The following CARM1 variants were observed in gnomAD, a reference collection of about 807,000 sequenced individuals.
CARM1 encodes histone-arginine methyltransferase CARM1.
In CARM1, 14 loss-of-function variants were observed where a neutral mutation model predicts 72.7. The ratio of observed to expected loss-of-function variants is 0.19; its 90% confidence interval spans 0.13 to 0.30. The LOEUF (loss-of-function observed/expected upper bound fraction) is 0.30. Ranked by LOEUF, CARM1 falls within the 10% of genes least tolerant of loss-of-function variation. The probability of loss-of-function intolerance (pLI) is 1.00; values close to 1 mark genes in which losing one functional copy is unlikely to be tolerated. For synonymous variants in CARM1, 333 were observed against 345.5 expected, an observed-to-expected ratio of 0.96 and a Z score of 0.40; for missense variants, 432 against 833.7, an observed-to-expected ratio of 0.52 and a Z score of 5.93.
Position 10,912,099 on chromosome 19 carries a change from G to C in CARM1, c.559-85G>C. 1 of 950,624 alleles carries C rather than the reference G, an allele frequency of 1.1e-6. No homozygotes were observed. Among genetic ancestry groups the C allele is most frequent in the African/African-American group, 1.6e-5 (1 of 62,378 alleles). The allele number at this position is 950,624 out of a possible 1,614,324, so 58.9% of individuals were successfully genotyped here. A position where few individuals can be genotyped will look rare whatever the true frequency, so the allele number is the denominator to read the frequency against. ...TTGAGAGTGAAGACAGACGCCTCATGATGTGCACATCCCTTATGATCACTG... is the reference window on the plus strand; with the variant it reads ...TTGAGAGTGAAGACAGACGCCTCATCATGTGCACATCCCTTATGATCACTG... On this transcript the variant is annotated intron_variant, in intron 4 of 15. Transcript: ENST00000327064. This position sits in a 1 kb window ranked among gnomAD's most constrained non-coding sequence, Gnocchi z 4.5.
At chr19:10,895,407 G>A (rs1052158470) in intron 1 of CARM1, among the ~76,000 whole-genome samples, 7 of 152,228 alleles carry the variant, frequency 4.6e-5, no homozygotes, top group African/African-American at 1.4e-4. Context: ...GCCTGGCCTA[G>A]GGATGGGAGG....
At chr19:10,891,731 A>G (rs979441392) in intron 1 of CARM1, among the ~76,000 whole-genome samples, 1 of 152,156 alleles carries the variant, frequency 6.6e-6, no homozygotes, top group Non-Finnish European at 1.5e-5. Flanking sequence ...GCTATCTTTC[A>G]TGTACAAGGG....
intron 8 of CARM1, chr19:10,919,115 A>T (rs905688744): frequency 6.5e-6 from 1 of 154,666 alleles, no homozygotes; most frequent in African/African-American, 2.4e-5. Flanking sequence ...CAGGCATACA[A>T]TTCCACACCC....
At chr19:10,890,788 TATA>T (rs2073980879) in intron 1 of CARM1, among the ~76,000 whole-genome samples, 12 of 99,718 alleles carry the variant, frequency 1.2e-4, no homozygotes, top group African/African-American at 5.2e-4. Context: ...TATATATATA[TATA>T]TATATTTTTT....
intron 1 of CARM1, among the ~76,000 whole-genome samples, chr19:10,899,479 A>T (rs951418141): frequency 3.9e-5 from 6 of 152,090 alleles, no homozygotes; most frequent in Non-Finnish European, 7.4e-5. Flanking sequence ...GGAGCACTTT[A>T]TCTTGGGCCT....
intron 1 of CARM1, among the ~76,000 whole-genome samples, chr19:10,884,468 T>C (rs1350492919): frequency 6.6e-6 from 1 of 151,994 alleles, no homozygotes; most frequent in Non-Finnish European, 1.5e-5. Context: ...ATTACAGGCC[T>C]GAGTCACTGT....
intron 15 of CARM1, 78 bp from the exon 16 acceptor site, chr19:10,921,537 C>G: frequency 6.4e-7 from 1 of 1,569,602 alleles, no homozygotes; most frequent in East Asian, 2.3e-5. Flanking sequence ...TCTTGCCTGC[C>G]CTTTCTCTCT....
chr19:10,916,469 A>G lies in CARM1; in HGVS notation c.910A>G (p.Met304Val). 1 of 1,613,460 alleles carries G rather than the reference A, an allele frequency of 6.2e-7. No individual in the cohort carries two copies. ...LAPFTDEQLY[M>V]EQFTKANFWY... ...ACCCTTCACGGATGAACAGCTCTACATGGAGCAGTTCACCAAGGCCAACTT... is the reference window on the plus strand; with the variant it reads ...ACCCTTCACGGATGAACAGCTCTACGTGGAGCAGTTCACCAAGGCCAACTT... Residue 304 changes from methionine (M) to valine (V), a missense_variant, in exon 7 of 16, where the codon ATG becomes GTG. Transcript: ENST00000327064. This position sits in a 1 kb window ranked among gnomAD's most constrained non-coding sequence, Gnocchi z 4.4.
At position 10,922,462 on chromosome 19, in the gene CARM1, T is replaced by TTCC. The variant is rs2074271663; in HGVS notation, c.*705_*706insTCC. 2 of 127,004 alleles carry TTCC rather than the reference T, an allele frequency of 1.6e-5. No individual in the cohort carries two copies. The highest frequency in any genetic ancestry group is 3.3e-5 in the Non-Finnish European group (2 of 60,150). The allele number at this position is 127,004 out of a possible 1,614,324, so 7.9% of individuals were successfully genotyped here. A position where few individuals can be genotyped will look rare whatever the true frequency, so the allele number is the denominator to read the frequency against. ...TGTCCTGTCCCCGAGCCCCTGCAGG[T>TTCC]CCCCCCCCGCCCCCCCACTCAAGAG... On this transcript the variant is annotated 3_prime_UTR_variant, in exon 16 of 16. Transcript: ENST00000327064.
chr19:10,895,455 C>A (rs577666458), intron 1 of CARM1, among the ~76,000 whole-genome samples: 1 of 152,218 alleles, frequency 6.6e-6, no homozygotes, highest in Non-Finnish European at 1.5e-5. Context: ...CCAGGTCTAA[C>A]GAGCCTCAAG....
In CARM1 at chr19:10,915,647, G is replaced by A. The variant is rs559060716; in HGVS notation, c.848-760G>A. On this transcript the variant is annotated intron_variant, in intron 6 of 15. Transcript: ENST00000327064. This position sits in a 1 kb window ranked among gnomAD's most constrained non-coding sequence, Gnocchi z 4.6. ...CTCGCCTCGGGTACAGCCTGGTGGC[G>A]TAAGGAGGAGGCAGAGTCCCACTGA... is the stretch of plus-strand genomic sequence containing the variant. Among the ~76,000 whole-genome samples the A allele has an allele frequency of 3.2e-4, 49 of 152,262 alleles. No homozygotes were observed. The highest frequency in any genetic ancestry group is 1.2e-3 in the African/African-American group (48 of 41,568).
At chr19:10,909,812 A>G (rs971975477) in intron 4 of CARM1, among the ~76,000 whole-genome samples, 4 of 152,230 alleles carry the variant, frequency 2.6e-5, no homozygotes, top group African/African-American at 9.6e-5. Flanking sequence ...TCAACACAGC[A>G]TGTACATTAT....
chr19:10,888,544 G>T (rs542241991), intron 1 of CARM1, among the ~76,000 whole-genome samples: 7 of 152,304 alleles, frequency 4.6e-5, no homozygotes, highest in African/African-American at 1.7e-4. Flanking sequence ...GTCTTGGCCC[G>T]CGGGAGAAGA....
chr19:10,888,759 G>A (rs2073960330), intron 1 of CARM1, among the ~76,000 whole-genome samples: 1 of 152,244 alleles, frequency 6.6e-6, no homozygotes, highest in South Asian at 2.1e-4. Context: ...AAAGCCCCAG[G>A]CGGTGGCAGC....
At chr19:10,905,559 C>T (rs2074097010) in intron 2 of CARM1, among the ~76,000 whole-genome samples, 1 of 152,196 alleles carries the variant, frequency 6.6e-6, no homozygotes, top group South Asian at 2.1e-4. Flanking sequence ...GCCAGGGTAG[C>T]AGAGAGGTGT....
intron 5 of CARM1, among the ~76,000 whole-genome samples, chr19:10,913,126 G>T (rs545301734): frequency 6.5e-4 from 98 of 151,838 alleles, no homozygotes; most frequent in African/African-American, 2.1e-3. Context: ...TTTTTTTTGG[G>T]GGGGGTCTCA....
Position 10,912,068 on chromosome 19 carries a change from C to T in CARM1, c.559-116C>T. ...ATTTTGACCAAGAGCCCATAAAGGG[C>T]AAACATTGAGAGTGAAGACAGACGC... On this transcript the variant is annotated intron_variant, in intron 4 of 15. Transcript: ENST00000327064. This position sits in a 1 kb window ranked among gnomAD's most constrained non-coding sequence, Gnocchi z 4.5. The T allele has an allele frequency of 2.5e-6, 2 of 806,002 alleles. No individual in the cohort carries two copies. The highest frequency in any genetic ancestry group is 2.2e-6 in the Non-Finnish European group (1 of 453,600). 49.9% of individuals were successfully genotyped at this position (806,002 alleles called of 1,614,324 possible).
At chr19:10,872,583 G>A (rs761126703) in intron 1 of CARM1, among the ~76,000 whole-genome samples, 3 of 152,124 alleles carry the variant, frequency 2.0e-5, no homozygotes, top group Non-Finnish European at 2.9e-5. Flanking sequence ...TCCTGATGCC[G>A]GGCTTCGAAG....
At chr19:10,908,891 T>C in intron 3 of CARM1, 1 of 475,020 alleles carries the variant, frequency 2.1e-6, no homozygotes, top group Non-Finnish European at 3.8e-6. Context: ...TGCCATCGGC[T>C]GCAGTGATAG....
Sources: gnomAD v4.1 joint callset for allele counts (sites outside exome capture counted in the v4.1 genomes callset) on GRCh38, gnomAD v4.1.1 for gene constraint, Gnocchi (gnomAD v3.1) non-coding constraint, MANE v1.5 for transcripts, NCBI Gene and HGNC (gene_info 2026-07-23, HGNC 2026-07-21) for gene names.